ZNF883: variants seen among roughly 807,000 people sequenced by gnomAD.
ZNF883 encodes zinc finger protein 883.
intron 2 of ZNF883, among the ~76,000 whole-genome samples, chr9:113,004,512 T>C (rs558286130): frequency 6.6e-6 from 1 of 152,028 alleles, no homozygotes; most frequent in South Asian, 2.1e-4. Flanking sequence ...GCCTCACCAA[T>C]AGGATTAGTG....
intron 2 of ZNF883, among the ~76,000 whole-genome samples, chr9:113,004,083 G>A (rs915345092): frequency 2.0e-5 from 3 of 152,160 alleles, no homozygotes; most frequent in Admixed American, 6.5e-5. Context: ...AGACGGTCAC[G>A]GGAAGACCCA....
intron 2 of ZNF883, among the ~76,000 whole-genome samples, chr9:113,003,737 AT>A (rs1366973938): frequency 1.3e-5 from 2 of 152,218 alleles, no homozygotes; most frequent in Non-Finnish European, 2.9e-5. Context: ...ACTCCTGAAA[AT>A]CACAGAAAAG....
intron 1 of ZNF883, among the ~76,000 whole-genome samples, 185 bp from the exon 2 acceptor site, chr9:113,011,412 C>A (rs1447445587): frequency 2.6e-5 from 4 of 152,202 alleles, no homozygotes; most frequent in Non-Finnish European, 4.4e-5. Context: ...TCCAATCTGA[C>A]AAACCAGAAA....
chr9:113,010,406 T>C (rs955784267), intron 2 of ZNF883, among the ~76,000 whole-genome samples: 5 of 152,242 alleles, frequency 3.3e-5, no homozygotes, highest in Non-Finnish European at 5.9e-5. Flanking sequence ...CTTGCTATGC[T>C]GAGTTATTTT....
upstream of ZNF883, among the ~76,000 whole-genome samples, chr9:113,000,477 G>A (rs1280289462): frequency 6.6e-6 from 1 of 152,014 alleles, no homozygotes; most frequent in Non-Finnish European, 1.5e-5. Flanking sequence ...AAAGAACAAT[G>A]GTCAAACTTA....
At chr9:112,988,655 C>T (rs1273676726) in intron 1 of ZNF883, among the ~76,000 whole-genome samples, 1 of 151,978 alleles carries the variant, frequency 6.6e-6, no homozygotes, top group Non-Finnish European at 1.5e-5. Context: ...ATTTATATTC[C>T]TTTGGGTATA....
chr9:113,001,568 A>G (rs1828424658), upstream of ZNF883, among the ~76,000 whole-genome samples: 2 of 152,178 alleles, frequency 1.3e-5, no homozygotes, highest in African/African-American at 4.8e-5. Context: ...CCAACATTTC[A>G]AAAGCTATCT....
chr9:113,009,316 G>C (rs1828508485), intron 2 of ZNF883, among the ~76,000 whole-genome samples: 1 of 152,156 alleles, frequency 6.6e-6, no homozygotes, highest in Non-Finnish European at 1.5e-5. Context: ...TGTGTGGTCT[G>C]CACGCCTTAC....
intron 2 of ZNF883, among the ~76,000 whole-genome samples, 200 bp downstream of exon 2, chr9:113,010,941 G>A (rs1279780164): frequency 1.4e-5 from 2 of 147,418 alleles, no homozygotes; most frequent in East Asian, 2.0e-4. Context: ...AGCCAAGATC[G>A]TGCACTGCAC....
chr9:113,009,740 C>A (rs1185994986), intron 2 of ZNF883, among the ~76,000 whole-genome samples: 1 of 152,088 alleles, frequency 6.6e-6, no homozygotes, highest in Non-Finnish European at 1.5e-5. Context: ...AATCTCTTGA[C>A]CTCGTGATCT....
intron 1 of ZNF883, among the ~76,000 whole-genome samples, chr9:112,989,112 T>C (rs1465993979): frequency 6.6e-6 from 1 of 152,242 alleles, no homozygotes; most frequent in African/African-American, 2.4e-5. Flanking sequence ...TCTTTTGCTG[T>C]ACAGAAGCTC....
chr9:113,000,399 A>G (rs187974979), upstream of ZNF883, among the ~76,000 whole-genome samples: 313 of 152,298 alleles, frequency 2.1e-3, 1 homozygote, highest in African/African-American at 6.9e-3. Flanking sequence ...CAGAACATTA[A>G]CAGGATAAAT....
chr9:113,007,546 G>A (rs1248492720), intron 2 of ZNF883, among the ~76,000 whole-genome samples: 1 of 152,190 alleles, frequency 6.6e-6, no homozygotes, highest in African/African-American at 2.4e-5. Context: ...AAAATTAGCT[G>A]TGAGTATCCT....
At chr9:112,995,484 T>C (rs1341152754), downstream of ZNF883, among the ~76,000 whole-genome samples, 1 of 151,902 alleles carries the variant, frequency 6.6e-6, no homozygotes, top group East Asian at 1.9e-4. Context: ...CCTTCCTCCC[T>C]GCCTTTCTCT....
At chr9:112,996,790 CAAAAAAAAAAAAAA>C (rs61714600), downstream of ZNF883, among the ~76,000 whole-genome samples, 55 of 52,100 alleles carry the variant, frequency 1.1e-3, no homozygotes, top group East Asian at 5.1e-3. Flanking sequence ...GACTCCGTCT[CAAAAAAAAAAAAAA>C]AAAAAAAAAA....
chr9:112,991,322 A>G (rs753455726), intron 1 of ZNF883, among the ~76,000 whole-genome samples: 1 of 152,088 alleles, frequency 6.6e-6, no homozygotes, highest in Non-Finnish European at 1.5e-5. Context: ...AAACAATTTG[A>G]TTTCTGCCTT....
chr9:113,003,567 A>G (rs6477977), intron 2 of ZNF883, among the ~76,000 whole-genome samples: 44,345 of 150,594 alleles, frequency 0.29, 7,436 homozygotes, highest in African/African-American at 0.45. Flanking sequence ...GGTCTAACAT[A>G]TAAGTGGAGT....
At chr9:112,998,311 T>A (rs956600742), upstream of ZNF883, 31 of 1,380,118 alleles carry the variant, frequency 2.2e-5, no homozygotes, top group Non-Finnish European at 2.8e-5. Flanking sequence ...TTTGTCGGTA[T>A]GTAATAGGTG....
intron 1 of ZNF883, among the ~76,000 whole-genome samples, chr9:112,991,617 G>A (rs986330116): frequency 6.6e-6 from 1 of 152,036 alleles, no homozygotes; most frequent in Non-Finnish European, 1.5e-5. Context: ...ATCCAGAGGT[G>A]AGTTCAAGTC....
Sources: gnomAD v4.1 joint callset for allele counts (sites outside exome capture counted in the v4.1 genomes callset) on GRCh38, gnomAD v4.1.1 for gene constraint, MANE v1.5 for transcripts, NCBI Gene and HGNC (gene_info 2026-07-23, HGNC 2026-07-21) for gene names.